LURAP1L: variants seen among roughly 807,000 people sequenced by gnomAD.
The protein encoded by LURAP1L is leucine rich adaptor protein 1 like, also known as leucine rich adaptor protein 1-like.
Under a neutral mutation model 13.8 loss-of-function variants are expected in LURAP1L, and 12 were observed. The ratio of observed to expected loss-of-function variants is 0.87; its 90% CI spans 0.56 to 1.41. The LOEUF is 1.41. Among genes scored for constraint, LURAP1L ranks in the 40% most tolerant of loss-of-function variants. The probability of loss-of-function intolerance (pLI) is 0.00; values close to 1 mark genes in which losing one functional copy is unlikely to be tolerated. For synonymous variants in LURAP1L, 139 were observed against 119.2 expected (o/e 1.17, Z -1.08); for missense variants, 375 against 292.9 (o/e 1.28, Z -2.04).
intron 1 of LURAP1L, among the ~76,000 whole-genome samples, chr9:12,799,655 T>G (rs576629035): frequency 1.3e-5 from 2 of 152,098 alleles, no homozygotes; most frequent in Non-Finnish European, 2.9e-5. Flanking sequence ...CCGAGGTGGA[T>G]GGATCACGAG....
At position 12,775,708 on chromosome 9, in the gene LURAP1L, G is replaced by A; in HGVS notation, c.-8G>A. The A allele has an allele frequency of 6.4e-7, 1 of 1,558,172 alleles. No homozygotes were observed. The highest frequency in any genetic ancestry group is 1.2e-5 in the South Asian group (1 of 82,664). On this transcript the variant is annotated 5_prime_UTR_variant, in exon 1 of 2. Coordinates refer to ENST00000319264, the MANE Select transcript of LURAP1L (RefSeq NM_203403.2). ...TTTTATTACTATTATCGCCGTTCCG[G>A]AAAAGTCATGGAAGACAGCCCGCTG...
At chr9:12,783,194 T>A (rs935959740) in intron 1 of LURAP1L, among the ~76,000 whole-genome samples, 2 of 152,152 alleles carry the variant, frequency 1.3e-5, no homozygotes, top group African/African-American at 4.8e-5. Context: ...TTGGATGCCC[T>A]TTATTTCTTT....
chr9:12,806,289 T>C (rs1488975543), intron 1 of LURAP1L, among the ~76,000 whole-genome samples: 1 of 152,224 alleles, frequency 6.6e-6, no homozygotes, highest in Non-Finnish European at 1.5e-5. Flanking sequence ...GTTGTATATT[T>C]TCTCAGGAAA....
intron 1 of LURAP1L, among the ~76,000 whole-genome samples, chr9:12,799,729 A>C (rs944575976): frequency 2.0e-5 from 3 of 152,072 alleles, no homozygotes; most frequent in African/African-American, 7.2e-5. Context: ...AAATACAAAA[A>C]TTAGCCAGGT....
chr9:12,788,445 C>A (rs1819393553), intron 1 of LURAP1L, among the ~76,000 whole-genome samples: 1 of 152,032 alleles, frequency 6.6e-6, no homozygotes, highest in South Asian at 2.1e-4. Context: ...TTTGGCAATT[C>A]TGGTGCCAGT....
chr9:12,821,989 TC>T lies in LURAP1L; in HGVS notation c.*230del, dbSNP rs1392906735. ...TATTTATTACAATGATTTTCTCCCTTCTTTTACAGTAGCACAAACAAAGTAG... is the reference window on the plus strand; with the variant it reads ...TATTTATTACAATGATTTTCTCCCTTTTTTACAGTAGCACAAACAAAGTAG... On this transcript the variant is annotated 3_prime_UTR_variant, in exon 2 of 2. Transcript: ENST00000319264. 9 of 443,836 alleles carry T rather than the reference TC, an allele frequency of 2.0e-5. No individual in the cohort carries two copies. Among genetic ancestry groups the T allele is most frequent in the Non-Finnish European group, 3.5e-5 (9 of 255,668 alleles). 27.5% of individuals were successfully genotyped at this position (443,836 alleles called of 1,614,324 possible).
At chr9:12,810,207 A>G (rs902614343) in intron 1 of LURAP1L, among the ~76,000 whole-genome samples, 5 of 152,220 alleles carry the variant, frequency 3.3e-5, no homozygotes, top group Non-Finnish European at 7.3e-5. Context: ...GGTAAAACTC[A>G]TGAAAGTGCG....
intron 1 of LURAP1L, among the ~76,000 whole-genome samples, chr9:12,809,314 TTTTA>T (rs1554659091): frequency 6.6e-6 from 1 of 152,164 alleles, no homozygotes; most frequent in Non-Finnish European, 1.5e-5. Context: ...TGTTCTGACT[TTTTA>T]TTTCTTTTTT....
At chr9:12,805,959 G>C (rs1399986241) in intron 1 of LURAP1L, among the ~76,000 whole-genome samples, 2 of 152,120 alleles carry the variant, frequency 1.3e-5, no homozygotes, top group African/African-American at 4.8e-5. Context: ...CAGAAAAAAA[G>C]AAAAGAAAAG....
In LURAP1L at chr9:12,823,008, T is replaced by A. The variant is rs1399266835; in HGVS notation, c.*1248T>A. ...CTACACATGTTGAATTTATTATTGT[T>A]TATTTCCAAGGCATGTATTATTCAA... On this transcript the variant is annotated 3_prime_UTR_variant, in exon 2 of 2. Transcript: ENST00000319264. Among the ~76,000 whole-genome samples, 1 of 152,220 alleles carries A rather than the reference T, an allele frequency of 6.6e-6. No homozygotes were observed. Among genetic ancestry groups the A allele is most frequent in the Non-Finnish European group, 1.5e-5 (1 of 68,030 alleles).
chr9:12,778,052 G>C (rs1054329853), intron 1 of LURAP1L, among the ~76,000 whole-genome samples: 2 of 152,120 alleles, frequency 1.3e-5, no homozygotes, highest in African/African-American at 2.4e-5. Context: ...TTTATGTTGA[G>C]AGTCTCTAAG....
Position 12,775,536 on chromosome 9 carries a change from C to G in LURAP1L, c.-180C>G. ...AACTGCAGCTGCGACCCCCCGCGTC[C>G]TGTGCGGATTTCAGGGCTGATACCG... On this transcript the variant is annotated 5_prime_UTR_variant, in exon 1 of 2. Coordinates refer to ENST00000319264, the MANE Select transcript of LURAP1L (RefSeq NM_203403.2). 1.1e-6 allele frequency: 1 copy of G among 951,364 alleles called. No individual in the cohort carries two copies. Among genetic ancestry groups the G allele is most frequent in the Non-Finnish European group, 1.5e-6 (1 of 685,734 alleles). 58.9% of individuals were successfully genotyped at this position (951,364 alleles called of 1,614,324 possible). A position where few individuals can be genotyped will look rare whatever the true frequency, so the allele number is the denominator to read the frequency against.
At chr9:12,818,653 G>C (rs1236996382) in intron 1 of LURAP1L, among the ~76,000 whole-genome samples, 2 of 152,198 alleles carry the variant, frequency 1.3e-5, no homozygotes, top group Non-Finnish European at 2.9e-5. Context: ...AGTAGTGCTT[G>C]ACGAGAGAAG....
At chr9:12,781,888 G>C (rs1026862512) in intron 1 of LURAP1L, among the ~76,000 whole-genome samples, 1 of 152,082 alleles carries the variant, frequency 6.6e-6, no homozygotes. Context: ...GTGTACAAGG[G>C]TTCCCTTTTG....
intron 1 of LURAP1L, among the ~76,000 whole-genome samples, chr9:12,788,550 T>G (rs897630212): frequency 6.6e-6 from 1 of 152,172 alleles, no homozygotes. Context: ...TTAAGAAAAC[T>G]GCAATGACCT....
intron 1 of LURAP1L, among the ~76,000 whole-genome samples, chr9:12,783,569 A>G (rs141223780): frequency 1.3e-5 from 2 of 152,268 alleles, no homozygotes; most frequent in African/African-American, 4.8e-5. Context: ...GTCATGATGA[A>G]TGATTATCTT....
chr9:12,815,405 C>T (rs1035393371), intron 1 of LURAP1L, among the ~76,000 whole-genome samples: 16 of 152,140 alleles, frequency 1.1e-4, no homozygotes, highest in Non-Finnish European at 1.8e-4. Context: ...CAGAACTAAA[C>T]TCTCTTCCAC....
intron 1 of LURAP1L, among the ~76,000 whole-genome samples, chr9:12,799,023 A>C (rs568423951): frequency 2.6e-5 from 4 of 152,290 alleles, no homozygotes; most frequent in South Asian, 2.1e-4. Flanking sequence ...GTCATCAGAA[A>C]ATGTTCATAG....
At chr9:12,786,299 T>A (rs1586876272) in intron 1 of LURAP1L, among the ~76,000 whole-genome samples, 1 of 151,694 alleles carries the variant, frequency 6.6e-6, no homozygotes, top group Non-Finnish European at 1.5e-5. Flanking sequence ...ATAGAAAAGG[T>A]AATTACTTCA....
Sources: gnomAD v4.1 joint callset for allele counts (sites outside exome capture counted in the v4.1 genomes callset) on GRCh38, gnomAD v4.1.1 for gene constraint, MANE v1.5 for transcripts, NCBI Gene and HGNC (gene_info 2026-07-23, HGNC 2026-07-21) for gene names.